ERBB4: variants seen among roughly 807,000 people sequenced by gnomAD.
ERBB4 encodes the protein receptor tyrosine-protein kinase erbB-4.
Under a neutral mutation model 158.0 loss-of-function variants are expected in ERBB4, and 42 were observed. That is an observed-to-expected ratio of 0.27 (90% CI 0.21 to 0.34). ERBB4 has a LOEUF of 0.34. Ranked by LOEUF, ERBB4 falls within the 10% of genes least tolerant of loss-of-function variation. The pLI, the probability that ERBB4 is intolerant of heterozygous loss-of-function variation, is 1.00. For missense variants in ERBB4, 1,333 were observed against 1,624.1 expected (o/e 0.82, Z 3.08); for synonymous variants, 583 against 558.7 (o/e 1.04, Z -0.61).
intron 3 of ERBB4, among the ~76,000 whole-genome samples, chr2:211,945,452 T>C (rs2080660794): frequency 6.6e-6 from 1 of 152,114 alleles, no homozygotes; most frequent in Admixed American, 6.6e-5. Flanking sequence ...CTTTCTTCAA[T>C]TCATACTCAA....
At chr2:212,535,205 A>C (rs1178571841) in intron 1 of ERBB4, among the ~76,000 whole-genome samples, 1 of 152,126 alleles carries the variant, frequency 6.6e-6, no homozygotes, top group Non-Finnish European at 1.5e-5. Context: ...ATTGTGAAGA[A>C]AAAAATAACA....
chr2:211,870,441 G>T (rs1046638454), intron 3 of ERBB4, among the ~76,000 whole-genome samples: 2 of 138,784 alleles, frequency 1.4e-5, no homozygotes, highest in African/African-American at 4.9e-5. Flanking sequence ...GATTTCCATT[G>T]TTATGTCCTA....
chr2:211,420,449 A>G lies in ERBB4; in HGVS notation c.3127T>C (p.Ser1043Pro), dbSNP rs146491343. ...PIYTSRARIDSNRSEIGHSPP... is the reference protein window; with the variant it reads ...PIYTSRARIDPNRSEIGHSPP... Reference sequence around the variant, plus strand: ...ATATAATTATTTCTTACCCTATTCGAGTCAATTCTTGCTCTGGAAGTATAG... The same window carrying G: ...ATATAATTATTTCTTACCCTATTCGGGTCAATTCTTGCTCTGGAAGTATAG... The change falls in exon 25 of 28, where the codon TCG becomes CCG. Residue 1043 changes from serine to proline, a missense_variant. Transcript: ENST00000342788. 1 of 1,608,968 alleles carries G rather than the reference A, an allele frequency of 6.2e-7. No individual in the cohort carries two copies. The highest frequency in any genetic ancestry group is 8.5e-7 in the Non-Finnish European group (1 of 1,175,742).
intron 2 of ERBB4, among the ~76,000 whole-genome samples, chr2:212,049,381 C>T (rs2077341119): frequency 6.6e-6 from 1 of 151,452 alleles, no homozygotes; most frequent in African/African-American, 2.4e-5. Flanking sequence ...TTTTGTTTTC[C>T]CTATTATTTA....
At chr2:212,438,993 T>C (rs2092195688) in intron 1 of ERBB4, among the ~76,000 whole-genome samples, 1 of 152,122 alleles carries the variant, frequency 6.6e-6, no homozygotes, top group African/African-American at 2.4e-5. Flanking sequence ...CGTTTTACAA[T>C]AAATTGTGTT....
chr2:212,359,006 T>C (rs901543233), intron 1 of ERBB4, among the ~76,000 whole-genome samples: 3 of 151,892 alleles, frequency 2.0e-5, no homozygotes. Context: ...GCACAATTCA[T>C]TTAAAACTGA....
At position 211,890,198 on chromosome 2, in the gene ERBB4, G is replaced by A. The variant is rs575111396; in HGVS notation, c.421+57232C>T. 7.3e-3 allele frequency among the ~76,000 whole-genome samples: 629 copies of A among 85,964 alleles called. 14 individuals are homozygous for A. Among genetic ancestry groups the A allele is most frequent in the African/African-American group, 0.03 (595 of 20,104 alleles). 56.4% of individuals were successfully genotyped at this position (85,964 alleles called of 152,430 possible). A position where few individuals can be genotyped will look rare whatever the true frequency, so the allele number is the denominator to read the frequency against. On this transcript the variant is annotated intron_variant, in intron 3 of 27. Coordinates refer to ENST00000342788, the MANE Select transcript of ERBB4 (RefSeq NM_005235.3). ...CAAAGGGAAGCCCATCAGACTAACA[G>A]CGGATCTCTCGGCAGAAACCCTACA...
At chr2:212,137,639 G>A (rs1204234036) in intron 1 of ERBB4, among the ~76,000 whole-genome samples, 2 of 152,116 alleles carry the variant, frequency 1.3e-5, no homozygotes, top group Admixed American at 6.5e-5. Flanking sequence ...GAACATACAC[G>A]TGCATGTGTC....
chr2:212,519,017 C>T (rs748199954), intron 1 of ERBB4, among the ~76,000 whole-genome samples: 40 of 152,088 alleles, frequency 2.6e-4, no homozygotes, highest in Middle Eastern at 3.4e-3. Context: ...GGGACTATTA[C>T]TAATGCCATC....
At chr2:212,365,493 T>C (rs1429755955) in intron 1 of ERBB4, among the ~76,000 whole-genome samples, 2 of 151,812 alleles carry the variant, frequency 1.3e-5, no homozygotes, top group Admixed American at 6.6e-5. Flanking sequence ...TGGCAATCTA[T>C]TGCAAATTCA....
At chr2:212,001,248 G>C (rs915313901) in intron 2 of ERBB4, among the ~76,000 whole-genome samples, 1 of 152,068 alleles carries the variant, frequency 6.6e-6, no homozygotes, top group Non-Finnish European at 1.5e-5. Context: ...GGTTGCTGAA[G>C]TTATTGCTTC....
intron 2 of ERBB4, among the ~76,000 whole-genome samples, chr2:212,014,812 G>C (rs1274098103): frequency 6.6e-6 from 1 of 151,412 alleles, no homozygotes; most frequent in Non-Finnish European, 1.5e-5. Flanking sequence ...GCTGAATGTT[G>C]AGTAAAAAAA....
intron 1 of ERBB4, among the ~76,000 whole-genome samples, chr2:212,379,652 A>T (rs928601926): frequency 1.3e-5 from 2 of 151,592 alleles, no homozygotes; most frequent in Admixed American, 1.3e-4. Flanking sequence ...AAAAAAGAAA[A>T]TGGAAAAAGA....
chr2:211,652,604 A>T (rs1039609362), intron 16 of ERBB4, among the ~76,000 whole-genome samples: 1 of 152,222 alleles, frequency 6.6e-6, no homozygotes, highest in Non-Finnish European at 1.5e-5. Context: ...CTGTTATGTG[A>T]CCTGTTACTT....
At chr2:211,518,907 A>C (rs961761889) in intron 20 of ERBB4, among the ~76,000 whole-genome samples, 3 of 152,218 alleles carry the variant, frequency 2.0e-5, no homozygotes, top group Admixed American at 2.0e-4. Flanking sequence ...TTATTTTTAA[A>C]ATTAATTTAC....
At chr2:211,852,209 C>A (rs1199679380) in intron 3 of ERBB4, among the ~76,000 whole-genome samples, 1 of 151,710 alleles carries the variant, frequency 6.6e-6, no homozygotes, top group Non-Finnish European at 1.5e-5. Context: ...CATACATTGC[C>A]CCATGTTGAA....
chr2:212,505,510 T>C lies in ERBB4; in HGVS notation c.82+32939A>G, dbSNP rs1046485831. ...AATGTTATAAAATTGGAAAGTATCA[T>C]TGGGAAACACAGTCTTCCAAAGGGT... On this transcript the variant is annotated intron_variant, in intron 1 of 27. Coordinates refer to ENST00000342788, the MANE Select transcript of ERBB4 (RefSeq NM_005235.3). Among the ~76,000 whole-genome samples the C allele has an allele frequency of 4.6e-5, 6 of 129,314 alleles. 1 individual carries two copies. The highest frequency in any genetic ancestry group is 1.1e-4 in the Non-Finnish European group (6 of 52,740). The allele number at this position is 129,314 out of a possible 152,430, so 84.8% of individuals were successfully genotyped here.
chr2:212,480,272 T>A (rs996605726), intron 1 of ERBB4, among the ~76,000 whole-genome samples: 3 of 152,146 alleles, frequency 2.0e-5, no homozygotes, highest in Non-Finnish European at 4.4e-5. Flanking sequence ...ATATGTATAC[T>A]ATCAAGTACA....
chr2:211,872,365 T>C (rs971236648), intron 3 of ERBB4, among the ~76,000 whole-genome samples: 5 of 152,200 alleles, frequency 3.3e-5, no homozygotes, highest in African/African-American at 1.2e-4. Context: ...ATTATGTGTG[T>C]ACCTATGTAT....
Sources: allele counts gnomAD v4.1 joint callset (sites outside exome capture counted in the v4.1 genomes callset), GRCh38; gene constraint gnomAD v4.1.1; transcripts MANE v1.5; gene names NCBI Gene and HGNC (gene_info 2026-07-23, HGNC 2026-07-21).